Variants in GFRA2 observed in about 807,000 individuals in gnomAD.
GFRA2 encodes the protein GDNF family receptor alpha 2.
In GFRA2, 17 loss-of-function variants were observed where a neutral mutation model predicts 48.3. The ratio of observed to expected loss-of-function variants is 0.35; its 90% CI spans 0.24 to 0.53. The LOEUF is 0.53. Among genes scored for constraint, GFRA2 ranks in the 20% least tolerant of loss-of-function variants. The probability of loss-of-function intolerance (pLI) is 0.93; values close to 1 mark genes in which losing one functional copy is unlikely to be tolerated. For synonymous variants in GFRA2, 305 were observed against 257.2 expected, an observed-to-expected ratio of 1.19 and a Z score of -1.78; for missense variants, 660 against 637.3, an observed-to-expected ratio of 1.04 and a Z score of -0.38.
intron 5 of GFRA2, 129 bp from the exon 6 acceptor site, chr8:21,705,254 ACATC>A: frequency 1.2e-6 from 1 of 843,218 alleles, no homozygotes; most frequent in Non-Finnish European, 1.8e-6. Flanking sequence ...CCCAAAACAC[ACATC>A]CATCCCAATC....
chr8:21,807,071 C>G (rs1807886263), intron 1 of GFRA2, among the ~76,000 whole-genome samples: 1 of 152,198 alleles, frequency 6.6e-6, no homozygotes, highest in African/African-American at 2.4e-5. Context: ...GAGCAAATTA[C>G]TCATACTTTT....
At chr8:21,747,173 C>A (rs927491200) in intron 4 of GFRA2, among the ~76,000 whole-genome samples, 6 of 152,180 alleles carry the variant, frequency 3.9e-5, no homozygotes, top group African/African-American at 1.4e-4. Context: ...CATCATTCCA[C>A]GCAGCTGTGT....
Position 21,788,588 on chromosome 8 carries a change from G to C in GFRA2, c.-429C>G. On this transcript the variant is annotated 5_prime_UTR_variant, in exon 1 of 9. Transcript: ENST00000524240. ...GTGAAGGGCTGGAAGGAAGCGGCGA[G>C]GGAGGGGGTCGGAATAAAATGCAAA... The C allele has an allele frequency of 1.0e-6, 1 of 999,166 alleles. No homozygotes were observed. The highest frequency in any genetic ancestry group is 1.2e-6 in the Non-Finnish European group (1 of 839,496). The allele number at this position is 999,166 out of a possible 1,614,324, so 61.9% of individuals were successfully genotyped here.
chr8:21,799,970 C>G (rs1807742824), intron 2 of GFRA2, among the ~76,000 whole-genome samples: 1 of 152,146 alleles, frequency 6.6e-6, no homozygotes, highest in Non-Finnish European at 1.5e-5. Flanking sequence ...TACCTCTGGC[C>G]CCCTGGTGTT....
At chr8:21,722,871 T>C (rs1407432604) in intron 4 of GFRA2, among the ~76,000 whole-genome samples, 1 of 152,206 alleles carries the variant, frequency 6.6e-6, no homozygotes. Flanking sequence ...AGGCAGTGCA[T>C]GCACCAGGGC....
intron 7 of GFRA2, among the ~76,000 whole-genome samples, chr8:21,698,952 C>T (rs570791682): frequency 3.9e-5 from 6 of 152,322 alleles, no homozygotes; most frequent in African/African-American, 1.2e-4. Context: ...GTTATGCCCA[C>T]GGGTCCTTGG....
chr8:21,718,148 G>A (rs1352330504), intron 4 of GFRA2, among the ~76,000 whole-genome samples: 1 of 152,188 alleles, frequency 6.6e-6, no homozygotes, highest in Non-Finnish European at 1.5e-5. Flanking sequence ...CTGTGGGAGG[G>A]ACCCAGTAGC....
intron 7 of GFRA2, among the ~76,000 whole-genome samples, chr8:21,697,881 C>T (rs989296299): frequency 2.0e-5 from 3 of 152,138 alleles, no homozygotes; most frequent in Non-Finnish European, 2.9e-5. Flanking sequence ...GTAAGACGTC[C>T]CTTTGCTCTT....
chr8:21,694,634 C>T (rs766846840), intron 7 of GFRA2, 117 bp from the exon 8 acceptor site: 34 of 898,836 alleles, frequency 3.8e-5, no homozygotes, highest in Non-Finnish European at 5.3e-5. Flanking sequence ...GCACAGCCAG[C>T]GCACACGGTG....
intron 3 of GFRA2, among the ~76,000 whole-genome samples, chr8:21,771,264 T>G (rs35101383): frequency 2.0e-5 from 3 of 152,052 alleles, no homozygotes; most frequent in Non-Finnish European, 2.9e-5. Flanking sequence ...TCAAGGCCCG[T>G]GCTCTTCCAG....
intron 7 of GFRA2, among the ~76,000 whole-genome samples, chr8:21,696,384 T>C (rs560472923): frequency 6.6e-6 from 1 of 152,142 alleles, no homozygotes; most frequent in Non-Finnish European, 1.5e-5. Context: ...CTTAGCTTAT[T>C]TGTATATTGG....
rs755832066 is a variant in GFRA2, at chr8:21,702,972, C to T, written c.1051G>A (p.Ala351Thr). 3 of 1,515,948 alleles carry T rather than the reference C, an allele frequency of 2.0e-6. No individual in the cohort carries two copies. Among genetic ancestry groups the T allele is most frequent in the African/African-American group, 1.4e-5 (1 of 70,768 alleles). 93.9% of individuals were successfully genotyped at this position (1,515,948 alleles called of 1,614,324 possible). Residue 351 changes from alanine (A) to threonine (T), a missense_variant, in exon 7 of 9, where the codon GCC becomes ACC. Coordinates refer to ENST00000524240, the MANE Select transcript of GFRA2 (RefSeq NM_001495.5). ...DFTENPCLRN[A>T]IQAFGNGTDV... ...GTGCCGTTGCCAAAGGCCTGGATGGCGTTCCCTGGGATGGGGGTGAGGGCA... is the reference window on the plus strand; with the variant it reads ...GTGCCGTTGCCAAAGGCCTGGATGGTGTTCCCTGGGATGGGGGTGAGGGCA...
intron 7 of GFRA2, among the ~76,000 whole-genome samples, chr8:21,697,814 T>G (rs898233481): frequency 6.6e-6 from 1 of 152,114 alleles, no homozygotes; most frequent in African/African-American, 2.4e-5. Flanking sequence ...CCATGAGATC[T>G]GATGGTTTTA....
intron 4 of GFRA2, among the ~76,000 whole-genome samples, chr8:21,719,694 T>G (rs1283420477): frequency 6.6e-6 from 1 of 152,208 alleles, no homozygotes; most frequent in Non-Finnish European, 1.5e-5. Context: ...CTGAAAGATT[T>G]CTTTCAACTT....
intron 4 of GFRA2, among the ~76,000 whole-genome samples, chr8:21,706,724 C>T (rs1802767580): frequency 1.3e-5 from 2 of 152,214 alleles, no homozygotes; most frequent in South Asian, 4.1e-4. Flanking sequence ...CCATTCCCCT[C>T]TGTCAGCATC....
chr8:21,716,821 G>A (rs1277207984), intron 4 of GFRA2, among the ~76,000 whole-genome samples: 1 of 152,196 alleles, frequency 6.6e-6, no homozygotes, highest in Non-Finnish European at 1.5e-5. Flanking sequence ...AGACTAGCAA[G>A]CACAACCCTA....
At chr8:21,792,001 T>G (rs1807581547), upstream of GFRA2, among the ~76,000 whole-genome samples, 1 of 152,226 alleles carries the variant, frequency 6.6e-6, no homozygotes, top group Admixed American at 6.5e-5. Flanking sequence ...CTCATTCCAG[T>G]GCTCCTGAGT....
At chr8:21,769,116 T>C (rs1806318357) in intron 3 of GFRA2, 2 of 945,684 alleles carry the variant, frequency 2.1e-6, no homozygotes, top group South Asian at 4.9e-5. Context: ...AATGAGTATC[T>C]ACCTGTTGCA....
At chr8:21,713,410 G>A (rs1803172091) in intron 4 of GFRA2, among the ~76,000 whole-genome samples, 1 of 151,958 alleles carries the variant, frequency 6.6e-6, no homozygotes, top group Admixed American at 6.6e-5. Flanking sequence ...TGGCCAAGCT[G>A]GTCTCAAACT....
Sources: allele counts gnomAD v4.1 joint callset (sites outside exome capture counted in the v4.1 genomes callset), GRCh38; gene constraint gnomAD v4.1.1; transcripts MANE v1.5; gene names NCBI Gene and HGNC (gene_info 2026-07-23, HGNC 2026-07-21).